N4BP2: variants seen among roughly 807,000 people sequenced by gnomAD.
The protein encoded by N4BP2 is NEDD4 binding protein 2.
A neutral mutation model predicts 152.8 loss-of-function variants in N4BP2; 91 were observed. That is an observed-to-expected ratio of 0.60 (90% CI 0.50 to 0.71). The LOEUF is 0.71. Ranked by LOEUF, N4BP2 falls within the 30% of genes least tolerant of loss-of-function variation. N4BP2 has a pLI of 0.00. For synonymous variants in N4BP2, 646 were observed against 705.3 expected, an observed-to-expected ratio of 0.92 and a Z score of 1.33; for missense variants, 1,923 against 2,059.1, an observed-to-expected ratio of 0.93 and a Z score of 1.28.
chr4:40,167,787 T>TG, the N4BP2 span: 1 of 152,212 alleles, frequency 6.6e-6, no homozygotes, highest in Non-Finnish European at 1.5e-5. Context: ...ATGAAATGAC[T>TG]GAAAATGTGT....
intron 11 of N4BP2, 23 bp downstream of exon 11, chr4:40,124,228 T>A: frequency 6.4e-7 from 1 of 1,562,526 alleles, no homozygotes; most frequent in Non-Finnish European, 8.8e-7. Context: ...TTTTTATTTC[T>A]AATGTCTTAA....
rs199759531 is a variant in N4BP2 at position 40,120,216 on chromosome 4, A to G, written c.2105A>G (p.Gln702Arg). 2 of 1,613,850 alleles carry G rather than the reference A, an allele frequency of 1.2e-6. No homozygotes were observed. The highest frequency in any genetic ancestry group is 1.7e-6 in the Non-Finnish European group (2 of 1,179,992). ...LQATDKSENE[Q>R]IEMVAVKGYS... ...GCAACAGACAAAAGTGAAAACGAGC[A>G]AATAGAAATGGTGGCTGTAAAAGGG... The change falls in exon 9 of 18, where the codon CAA becomes CGA. Residue 702 changes from glutamine to arginine, a missense_variant. Gln to Arg is a conservative substitution (Grantham distance 43). Transcript: ENST00000261435.
chr4:40,167,973 G>A, the N4BP2 span: 1 of 151,790 alleles, frequency 6.6e-6, no homozygotes, highest in African/African-American at 2.4e-5. Flanking sequence ...AAGCATCAAG[G>A]AATAGAGTAA....
chr4:40,138,776 G>A (rs1719641315), intron 14 of N4BP2, among the ~76,000 whole-genome samples: 1 of 152,126 alleles, frequency 6.6e-6, no homozygotes, highest in Non-Finnish European at 1.5e-5. Context: ...CTGTCCTATT[G>A]CCAGTACCAC....
At chr4:40,057,320 T>G (rs1733269333) in intron 1 of N4BP2, 1 of 152,436 alleles carries the variant, frequency 6.6e-6, no homozygotes, top group Non-Finnish European at 1.5e-5. Flanking sequence ...GGCCTCCGAG[T>G]GCCTGGCGGG....
At chr4:40,113,644 C>T (rs1465782826) in intron 7 of N4BP2, 136 bp downstream of exon 7, 2 of 692,880 alleles carry the variant, frequency 2.9e-6, no homozygotes, top group Admixed American at 4.9e-5. Context: ...GGCTTTTTGT[C>T]CAGTTTTATG....
chr4:40,162,173 A>G (rs757500073), downstream of N4BP2, among the ~76,000 whole-genome samples: 10 of 152,142 alleles, frequency 6.6e-5, no homozygotes, highest in Non-Finnish European at 1.0e-4. Flanking sequence ...AGATCTGGGA[A>G]ATGTTCTTTT....
In N4BP2 at chr4:40,107,043, A is replaced by G; in HGVS notation, c.1498+19A>G. The G allele has an allele frequency of 1.9e-6, 3 of 1,609,116 alleles. No homozygotes were observed. In the South Asian group the frequency reaches 3.3e-5, roughly 18 times the overall value. On this transcript the variant is annotated intron_variant, in intron 5 of 17. Transcript: ENST00000261435. ...AATCGTGGTAAGAACAGATAATCAG[A>G]TTCTGGGTAACGTTATGAGTAATAC... is the stretch of plus-strand genomic sequence containing the variant.
chr4:40,118,450 A>G (rs1717557790), intron 8 of N4BP2, among the ~76,000 whole-genome samples: 1 of 150,714 alleles, frequency 6.6e-6, no homozygotes, highest in Non-Finnish European at 1.5e-5. Context: ...AAATAAATAA[A>G]TAAGGTGGAC....
At chr4:40,092,030 A>G (rs867108786) in intron 2 of N4BP2, among the ~76,000 whole-genome samples, 56 of 122,048 alleles carry the variant, frequency 4.6e-4, no homozygotes, top group African/African-American at 1.7e-3. Flanking sequence ...ATATATATAT[A>G]TATATATATA....
chr4:40,157,767 A>C lies in N4BP2; in HGVS notation c.*3530A>C, dbSNP rs1287671384. ...TTTATGTGGCCAAAAGGTGTCATTT[A>C]AAAGGTAAAATAAGTTTATGTAGAA... On this transcript the variant is annotated 3_prime_UTR_variant, in exon 18 of 18. Transcript: ENST00000261435. The C allele has an allele frequency of 6.6e-6, 1 of 152,220 alleles. No individual in the cohort carries two copies. The highest frequency in any genetic ancestry group is 1.5e-5 in the Non-Finnish European group (1 of 68,020). 9.4% of individuals were successfully genotyped at this position (152,220 alleles called of 1,614,324 possible). A position where few individuals can be genotyped will look rare whatever the true frequency, so the allele number is the denominator to read the frequency against.
chr4:40,100,127 G>T (rs1277768665), intron 3 of N4BP2: 2 of 453,514 alleles, frequency 4.4e-6, no homozygotes, highest in African/African-American at 4.0e-5. Flanking sequence ...AACCTATGAG[G>T]TAGGTGCTTT....
chr4:40,123,238 G>A, intron 10 of N4BP2, 26 bp downstream of exon 10: 1 of 1,481,818 alleles, frequency 6.7e-7, no homozygotes, highest in Non-Finnish European at 9.4e-7. Context: ...TTTATAAAGA[G>A]CTCCTTTTTT....
intron 16 of N4BP2, among the ~76,000 whole-genome samples, 189 bp from the exon 17 acceptor site, chr4:40,152,591 A>G (rs937773840): frequency 6.6e-6 from 1 of 152,238 alleles, no homozygotes; most frequent in Non-Finnish European, 1.5e-5. Flanking sequence ...GTTTTAAAAC[A>G]TACATCTTAA....
intron 14 of N4BP2, 82 bp from the exon 15 acceptor site, chr4:40,142,591 C>T: frequency 1.1e-6 from 1 of 902,524 alleles, no homozygotes; most frequent in Non-Finnish European, 1.7e-6. Context: ...GCCCAGTTTT[C>T]ATGTGCGTTT....
At chr4:40,099,158 A>G (rs964560609) in intron 3 of N4BP2, among the ~76,000 whole-genome samples, 4 of 152,108 alleles carry the variant, frequency 2.6e-5, no homozygotes, top group Non-Finnish European at 5.9e-5. Context: ...CCTACCAATG[A>G]GGTGTGCTGA....
intron 2 of N4BP2, among the ~76,000 whole-genome samples, chr4:40,077,127 ATT>A (rs1306272539): frequency 6.6e-6 from 1 of 151,574 alleles, no homozygotes; most frequent in African/African-American, 2.4e-5. Flanking sequence ...GATATTGAAT[ATT>A]ATGTAGAATA....
intron 2 of N4BP2, among the ~76,000 whole-genome samples, chr4:40,086,469 C>T (rs1317558844): frequency 6.6e-6 from 1 of 151,854 alleles, no homozygotes; most frequent in East Asian, 1.9e-4. Context: ...TCCCGAGTAC[C>T]TGGGATTACA....
At position 40,102,991 on chromosome 4, in the gene N4BP2, T is replaced by C; in HGVS notation, c.1146T>C (p.Pro382=). 1 of 1,614,218 alleles carries C rather than the reference T, an allele frequency of 6.2e-7. No individual in the cohort carries two copies. The highest frequency in any genetic ancestry group is 1.1e-5 in the South Asian group (1 of 91,086). The stretch of plus-strand genomic sequence containing the variant: ...AAGGAAACCATGGCTTTGTAGCTCC[T>C]GTTGTAACCACAGCTGCACACTGGA... ...LFQGNHGFVA[P]VVTTAAHWRS... is the part of the protein sequence containing the mutation. The change falls in exon 4 of 18, where the codon CCT becomes CCC. Residue 382 remains proline (P), a synonymous_variant. Transcript: ENST00000261435.
Sources: gnomAD v4.1 joint callset for allele counts (sites outside exome capture counted in the v4.1 genomes callset) on GRCh38, gnomAD v4.1.1 for gene constraint, MANE v1.5 for transcripts, NCBI Gene and HGNC (gene_info 2026-07-23, HGNC 2026-07-21) for gene names.